GLDC: variants seen among roughly 807,000 people sequenced by gnomAD.
The protein encoded by GLDC is glycine dehydrogenase (decarboxylating), mitochondrial.
A neutral mutation model predicts 121.3 loss-of-function variants in GLDC; 104 were observed. That is an observed-to-expected ratio of 0.86 (90% CI 0.73 to 1.01). GLDC has a LOEUF of 1.01. Ranked by LOEUF, GLDC falls within the 50% of genes least tolerant of loss-of-function variation. The pLI is 0.00. For missense variants in GLDC, 1,429 were observed against 1,306.6 expected (o/e 1.09, Z -1.44); for synonymous variants, 546 against 480.6 (o/e 1.14, Z -1.78).
Position 6,620,265 on chromosome 9 carries a change from C to T in GLDC, c.389G>A (p.Trp130Ter), listed in dbSNP as rs147066809. 6.2e-7 allele frequency: 1 copy of T among 1,613,540 alleles called. No homozygotes were observed. The highest frequency in any genetic ancestry group is 1.3e-5 in the African/African-American group (1 of 74,926). Reference protein sequence around the residue: ...LHAISSKNQIWRSYIGMGYYN... With the variant: ...LHAISSKNQI ...ATAGCCCATGCCAATATACGATCTC[C>T]AGATCTGGTTTTTGCTTGAAATGGC... The change falls in exon 3 of 25, where the codon TGG becomes TAG. Residue 130 changes from tryptophan (W) to a stop codon, truncating the protein, a stop_gained. Coordinates refer to ENST00000321612, the MANE Select transcript of GLDC (RefSeq NM_000170.3). LOFTEE classifies it high-confidence loss of function.
intron 21 of GLDC, among the ~76,000 whole-genome samples, chr9:6,545,850 T>C (rs1563831582): frequency 6.6e-6 from 1 of 152,058 alleles, no homozygotes; most frequent in South Asian, 2.1e-4. Context: ...CATGTTGGCC[T>C]GGCTGGTCTC....
chr9:6,623,223 G>C (rs1222644602), intron 2 of GLDC: 4 of 181,508 alleles, frequency 2.2e-5, no homozygotes, highest in South Asian at 7.8e-5. Flanking sequence ...TGCTGTGTCT[G>C]TGTAGAAAGA....
chr9:6,627,735 A>G (rs918029888), intron 2 of GLDC, among the ~76,000 whole-genome samples: 3 of 152,224 alleles, frequency 2.0e-5, no homozygotes, highest in Non-Finnish European at 4.4e-5. Flanking sequence ...CTGTGACTTG[A>G]TGAACAGAGG....
chr9:6,622,146 CCACA>C (rs1172687199), intron 2 of GLDC, among the ~76,000 whole-genome samples: 1 of 117,576 alleles, frequency 8.5e-6, no homozygotes, highest in Non-Finnish European at 1.7e-5. Flanking sequence ...TCACCCTCCA[CCACA>C]CACACACAGA....
intron 22 of GLDC, among the ~76,000 whole-genome samples, chr9:6,539,497 A>C (rs957250213): frequency 6.6e-6 from 1 of 152,168 alleles, no homozygotes; most frequent in Non-Finnish European, 1.5e-5. Context: ...CCAAAAAAGT[A>C]ATATGGTCTT....
chr9:6,628,656 G>T (rs1392695455), intron 2 of GLDC, among the ~76,000 whole-genome samples: 1 of 152,218 alleles, frequency 6.6e-6, no homozygotes, highest in Non-Finnish European at 1.5e-5. Flanking sequence ...CAGGAGGATT[G>T]CTTGAGCCTG....
At chr9:6,533,238 G>C (rs886741775) in intron 24 of GLDC, 78 bp from the exon 25 acceptor site, 6 of 1,201,134 alleles carry the variant, frequency 5.0e-6, no homozygotes, top group Non-Finnish European at 6.2e-6. Flanking sequence ...GGCAATGCTA[G>C]TCCCACAACC....
intron 20 of GLDC, 60 bp downstream of exon 20, chr9:6,553,308 C>T: frequency 6.8e-7 from 1 of 1,465,598 alleles, no homozygotes. Flanking sequence ...AGTATCCGGT[C>T]CCCATGCATG....
intron 16 of GLDC, among the ~76,000 whole-genome samples, chr9:6,564,881 T>C (rs1054621392): frequency 1.3e-5 from 2 of 152,202 alleles, no homozygotes; most frequent in African/African-American, 4.8e-5. Flanking sequence ...GTGCTTGAAG[T>C]TGAGAATCAT....
At chr9:6,578,314 A>T (rs1394987700) in intron 15 of GLDC, among the ~76,000 whole-genome samples, 2 of 151,770 alleles carry the variant, frequency 1.3e-5, no homozygotes, top group African/African-American at 2.4e-5. Flanking sequence ...AGAGGGTCCC[A>T]CTATGTTGCC....
intron 15 of GLDC, among the ~76,000 whole-genome samples, chr9:6,580,321 C>T (rs1818149041): frequency 6.6e-6 from 1 of 152,204 alleles, no homozygotes; most frequent in South Asian, 2.1e-4. Context: ...ACAGAGTCCA[C>T]AGTTGCAAGT....
chr9:6,595,934 AAC>A (rs1330844465), intron 8 of GLDC, among the ~76,000 whole-genome samples: 3 of 152,350 alleles, frequency 2.0e-5, no homozygotes, highest in East Asian at 1.9e-4. Context: ...CAAAATAAGA[AAC>A]AGTTTCCAAA....
At chr9:6,534,060 A>C (rs1409713226) in intron 24 of GLDC, 1 of 152,218 alleles carries the variant, frequency 6.6e-6, no homozygotes, top group Non-Finnish European at 1.5e-5. Context: ...AAAATACAAA[A>C]AATTACCCGG....
chr9:6,623,441 A>C (rs971169571), intron 2 of GLDC, among the ~76,000 whole-genome samples: 1 of 148,192 alleles, frequency 6.7e-6, no homozygotes, highest in Non-Finnish European at 1.5e-5. Context: ...AGTCATCACC[A>C]CTCCGTAATC....
At chr9:6,617,707 C>T (rs189271745) in intron 3 of GLDC, among the ~76,000 whole-genome samples, 2 of 152,330 alleles carry the variant, frequency 1.3e-5, no homozygotes, top group East Asian at 1.9e-4. Context: ...GCTGAGAGAT[C>T]TGGCTCCTAT....
chr9:6,618,826 AAC>A (rs375305058), intron 3 of GLDC, among the ~76,000 whole-genome samples: 2 of 151,812 alleles, frequency 1.3e-5, no homozygotes, highest in African/African-American at 2.4e-5. Flanking sequence ...GACACAGATG[AAC>A]ACACACACAC....
At chr9:6,557,230 C>G (rs535324906) in intron 17 of GLDC, among the ~76,000 whole-genome samples, 1 of 151,994 alleles carries the variant, frequency 6.6e-6, no homozygotes, top group Non-Finnish European at 1.5e-5. Flanking sequence ...CTGATCTGAT[C>G]TCTATACATT....
At chr9:6,592,107 G>C in intron 11 of GLDC, 36 bp downstream of exon 11, 1 of 1,284,790 alleles carries the variant, frequency 7.8e-7, no homozygotes, top group Non-Finnish European at 1.1e-6. Context: ...ACCTCCAATA[G>C]TTATGATGAG....
rs375733985 is a variant in GLDC at position 6,554,743 on chromosome 9, G to C, written c.2241C>G (p.Val747=). The change falls in exon 19 of 25, where the codon GTC becomes GTG. Residue 747 remains valine (V), a synonymous_variant. Transcript: ENST00000321612. ...AGGTCTTGTGAAGATTTAGGTGCGA[G>C]ACATCAGACCCGAAGTCTCCAGGGC... The part of the protein sequence containing the change: ...ICRPGDFGSD[V]SHLNLHKTFC... The C allele has an allele frequency of 4.3e-6, 7 of 1,613,424 alleles. No individual in the cohort carries two copies. The highest frequency in any genetic ancestry group is 5.1e-6 in the Non-Finnish European group (6 of 1,179,934).
Sources: allele counts gnomAD v4.1 joint callset (sites outside exome capture counted in the v4.1 genomes callset), GRCh38; gene constraint gnomAD v4.1.1; transcripts MANE v1.5; gene names NCBI Gene and HGNC (gene_info 2026-07-23, HGNC 2026-07-21).